DPP10: variants seen among roughly 807,000 people sequenced by gnomAD.
DPP10 encodes the protein inactive dipeptidyl peptidase 10.
In DPP10, 33 loss-of-function variants were observed where a neutral mutation model predicts 120.9. That is an observed-to-expected ratio of 0.27 (90% CI 0.21 to 0.37). The LOEUF (loss-of-function observed/expected upper bound fraction) is 0.37. Among genes scored for constraint, DPP10 ranks in the 10% least tolerant of loss-of-function variants. The probability of loss-of-function intolerance (pLI) is 1.00; values close to 1 mark genes in which losing one functional copy is unlikely to be tolerated. For synonymous variants in DPP10, 337 were observed against 326.1 expected (o/e 1.03, Z -0.36); for missense variants, 816 against 942.8 (o/e 0.87, Z 1.76).
At chr2:114,927,159 A>G (rs1171029433) in intron 1 of DPP10, among the ~76,000 whole-genome samples, 1 of 152,012 alleles carries the variant, frequency 6.6e-6, no homozygotes, top group Non-Finnish European at 1.5e-5. Context: ...AGGGGAAGAT[A>G]CATTTTTAAG....
chr2:114,896,785 G>A (rs1693044097), intron 1 of DPP10, among the ~76,000 whole-genome samples: 1 of 152,178 alleles, frequency 6.6e-6, no homozygotes, highest in Non-Finnish European at 1.5e-5. Context: ...GAATAGGAGT[G>A]GTGAGAGAGG....
chr2:114,865,569 T>C (rs140156688), intron 1 of DPP10, among the ~76,000 whole-genome samples: 1 of 152,330 alleles, frequency 6.6e-6, no homozygotes, highest in African/African-American at 2.4e-5. Flanking sequence ...GGTTCATTAA[T>C]CACTTCATAT....
At chr2:114,957,789 T>C (rs1474682640) in intron 1 of DPP10, among the ~76,000 whole-genome samples, 1 of 152,208 alleles carries the variant, frequency 6.6e-6, no homozygotes, top group Non-Finnish European at 1.5e-5. Flanking sequence ...AGAAGGAAAT[T>C]CTGCTATTTG....
chr2:114,970,845 G>C (rs1699345335), intron 1 of DPP10, among the ~76,000 whole-genome samples: 1 of 152,110 alleles, frequency 6.6e-6, no homozygotes, highest in South Asian at 2.1e-4. Flanking sequence ...AGTAATGGAT[G>C]ACTGAGTTAA....
At chr2:115,373,016 T>C (rs917187362) in intron 3 of DPP10, among the ~76,000 whole-genome samples, 1 of 152,218 alleles carries the variant, frequency 6.6e-6, no homozygotes, top group African/African-American at 2.4e-5. Flanking sequence ...ACAATTACAA[T>C]AGAGGTTTGT....
At position 115,840,318 on chromosome 2, in the gene DPP10, G is replaced by GTT. The variant is rs1559227733; in HGVS notation, c.2183-432_2183-431insTT. ...CCTAAAGCCAGATATAAGGTTTTTT[G>GTT]GTTTTTTTTTTTTTTTTTTTTTTGA... On this transcript the variant is annotated intron_variant, in intron 24 of 25. Transcript: ENST00000410059. 8.8e-4 allele frequency among the ~76,000 whole-genome samples: 28 copies of GTT among 31,880 alleles called. 4 individuals carry two copies. Among genetic ancestry groups the GTT allele is most frequent in the South Asian group, 4.8e-3 (4 of 828 alleles). 20.9% of individuals were successfully genotyped at this position (31,880 alleles called of 152,430 possible). A position where few individuals can be genotyped will look rare whatever the true frequency, so the allele number is the denominator to read the frequency against.
intron 1 of DPP10, among the ~76,000 whole-genome samples, chr2:115,222,754 C>T (rs1429856635): frequency 6.6e-6 from 1 of 151,992 alleles, no homozygotes; most frequent in African/African-American, 2.4e-5. Flanking sequence ...ATAAAATGGT[C>T]ATAAAATTTA....
At chr2:115,394,207 T>C (rs1306385192) in intron 3 of DPP10, among the ~76,000 whole-genome samples, 2 of 152,122 alleles carry the variant, frequency 1.3e-5, no homozygotes, top group Admixed American at 1.3e-4. Context: ...GATTTGAAAC[T>C]AGTAGAGCCT....
chr2:114,796,704 C>T (rs1014384497), intron 1 of DPP10, among the ~76,000 whole-genome samples: 1 of 152,160 alleles, frequency 6.6e-6, no homozygotes, highest in Non-Finnish European at 1.5e-5. Flanking sequence ...GAGCATTTTG[C>T]ATGTTCCTTT....
In DPP10 at chr2:115,799,767, C is replaced by T. The variant is rs1247769449; in HGVS notation, c.1700+8411C>T. Among the ~76,000 whole-genome samples the T allele has an allele frequency of 9.9e-5, 15 of 151,656 alleles. No homozygotes were observed. In the East Asian group the frequency reaches 2.7e-3, roughly 28 times the overall value. The stretch of plus-strand genomic sequence containing the variant: ...TGTCCCTACAAAGGACATGAACTCA[C>T]CATTTTTTATGGCTGCATAGTATTC... On this transcript the variant is annotated intron_variant, in intron 19 of 25. Coordinates refer to ENST00000410059, the MANE Select transcript of DPP10 (RefSeq NM_020868.6).
intron 1 of DPP10, among the ~76,000 whole-genome samples, chr2:114,931,962 T>G (rs2104505325): frequency 6.6e-6 from 1 of 152,374 alleles, no homozygotes; most frequent in East Asian, 1.9e-4. Context: ...AACAGGGACA[T>G]TGCCTTTCTG....
intron 5 of DPP10, among the ~76,000 whole-genome samples, chr2:115,597,437 A>C (rs1268164649): frequency 6.6e-6 from 1 of 152,188 alleles, no homozygotes; most frequent in South Asian, 2.1e-4. Flanking sequence ...AAACGTAAGT[A>C]CCATGTACAT....
chr2:115,480,837 A>T (rs1481280138), intron 3 of DPP10, among the ~76,000 whole-genome samples: 1 of 152,146 alleles, frequency 6.6e-6, no homozygotes, highest in Admixed American at 6.6e-5. Context: ...TTAAGGAGAG[A>T]CATCTGTTCT....
intron 5 of DPP10, among the ~76,000 whole-genome samples, chr2:115,567,330 C>A (rs551864334): frequency 1.9e-4 from 29 of 152,190 alleles, no homozygotes; most frequent in African/African-American, 6.7e-4. Flanking sequence ...CTTTCCAATT[C>A]TCACCCTCTC....
At chr2:115,626,866 A>G (rs1401592910) in intron 5 of DPP10, among the ~76,000 whole-genome samples, 2 of 152,212 alleles carry the variant, frequency 1.3e-5, no homozygotes, top group Non-Finnish European at 2.9e-5. Flanking sequence ...CTGTTTGTGC[A>G]TATAATGAAC....
chr2:114,540,104 C>T (rs1035907658), intron 1 of DPP10, among the ~76,000 whole-genome samples: 14 of 152,158 alleles, frequency 9.2e-5, no homozygotes, highest in Non-Finnish European at 1.6e-4. Flanking sequence ...AAGACAGATA[C>T]CACCAATTCA....
At chr2:115,202,444 AATTC>A (rs1370202317) in intron 1 of DPP10, among the ~76,000 whole-genome samples, 1 of 152,158 alleles carries the variant, frequency 6.6e-6, no homozygotes, top group Non-Finnish European at 1.5e-5. Context: ...AAAGTCATCT[AATTC>A]AGCTTCTTAT....
chr2:115,683,795 T>A (rs972215561), intron 5 of DPP10, among the ~76,000 whole-genome samples: 9 of 152,004 alleles, frequency 5.9e-5, no homozygotes, highest in Non-Finnish European at 1.0e-4. Context: ...AATTGAAGAA[T>A]GGTACGTGAT....
intron 8 of DPP10, among the ~76,000 whole-genome samples, chr2:115,732,109 T>C (rs2092925239): frequency 6.6e-6 from 1 of 152,210 alleles, no homozygotes; most frequent in South Asian, 2.1e-4. Flanking sequence ...GGAGATTTCC[T>C]TTTTATTACT....
Sources: gnomAD v4.1 joint callset for allele counts (sites outside exome capture counted in the v4.1 genomes callset) on GRCh38, gnomAD v4.1.1 for gene constraint, MANE v1.5 for transcripts, NCBI Gene and HGNC (gene_info 2026-07-23, HGNC 2026-07-21) for gene names.